Variants in RMND1 observed in about 807,000 individuals in gnomAD.
RMND1 encodes the protein required for meiotic nuclear division 1 homolog.
In RMND1, 41 loss-of-function variants were observed where a neutral mutation model predicts 54.0. The observed-to-expected ratio is 0.76, with a 90% CI of 0.59 to 0.98. RMND1 has a LOEUF of 0.98. Among genes scored for constraint, RMND1 ranks in the 50% least tolerant of loss-of-function variants. The pLI is 0.00. For synonymous variants in RMND1, 183 were observed against 181.7 expected, an observed-to-expected ratio of 1.01 and a Z score of -0.06; for missense variants, 457 against 532.0, an observed-to-expected ratio of 0.86 and a Z score of 1.39.
intron 1 of RMND1, among the ~76,000 whole-genome samples, chr6:151,448,690 T>G (rs540404268): frequency 6.6e-6 from 1 of 152,324 alleles, no homozygotes; most frequent in East Asian, 1.9e-4. Flanking sequence ...TGATTCTGTT[T>G]TGGGCCCCCT....
chr6:151,440,953 T>C (rs79000686), intron 2 of RMND1, among the ~76,000 whole-genome samples: 2,223 of 137,252 alleles, frequency 0.016, 57 homozygotes, highest in African/African-American at 0.058. Context: ...ATATTTTGGG[T>C]TTCAGGATGG....
At chr6:151,450,156 G>A (rs1167730502) in intron 1 of RMND1, among the ~76,000 whole-genome samples, 2 of 120,576 alleles carry the variant, frequency 1.7e-5, no homozygotes, top group Non-Finnish European at 3.5e-5. Flanking sequence ...TCCCATCTAG[G>A]AAGTGAGGAG....
At chr6:151,445,116 A>G in intron 2 of RMND1, 192 bp downstream of exon 2, 1 of 546,402 alleles carries the variant, frequency 1.8e-6, no homozygotes, top group Non-Finnish European at 3.1e-6. Context: ...TTGTTTTTAT[A>G]TGTATCATTA....
chr6:151,413,394 C>T (rs1344723531), intron 10 of RMND1, among the ~76,000 whole-genome samples: 3 of 152,144 alleles, frequency 2.0e-5, no homozygotes, highest in Non-Finnish European at 4.4e-5. Context: ...CTACTTGGGA[C>T]TACAGGTGCA....
rs118175655 is a variant in RMND1, at chr6:151,439,335, A to G, written c.505-2781T>C. 9.4e-4 allele frequency among the ~76,000 whole-genome samples: 143 copies of G among 152,366 alleles called. 2 individuals carry two copies. In the East Asian group the frequency reaches 0.021, roughly 22 times the overall value. ...AGGCTCTCCATTAATTCACCTCTGAAAAAGTGGCATTTAATTTCAGCTACT... is the reference window on the plus strand; with the variant it reads ...AGGCTCTCCATTAATTCACCTCTGAGAAAGTGGCATTTAATTTCAGCTACT... On this transcript the variant is annotated intron_variant, in intron 2 of 11. Coordinates refer to ENST00000444024, the MANE Select transcript of RMND1 (RefSeq NM_017909.4).
intron 6 of RMND1, among the ~76,000 whole-genome samples, chr6:151,424,576 G>A (rs1284840191): frequency 2.0e-5 from 3 of 152,242 alleles, no homozygotes; most frequent in East Asian, 3.9e-4. Flanking sequence ...TTAAAAGTGT[G>A]TTTTGGAAGG....
rs907227485 is a variant in RMND1 at position 151,410,752 on chromosome 6, A to G, written c.1201-4916T>C. Among the ~76,000 whole-genome samples the G allele has an allele frequency of 5.3e-5, 8 of 152,226 alleles. No individual in the cohort carries two copies. The East Asian group carries it at 1.5e-3, about 29-fold the overall frequency. On this transcript the variant is annotated intron_variant, in intron 10 of 11. Coordinates refer to ENST00000444024, the MANE Select transcript of RMND1 (RefSeq NM_017909.4). ...AGTAATTCAAGTTTTGGGTGCTACT[A>G]TAAACAGAAGTTTTAAAATTTCATT...
chr6:151,429,920 AC>A (rs1234512883), intron 5 of RMND1, among the ~76,000 whole-genome samples: 1 of 152,184 alleles, frequency 6.6e-6, no homozygotes, highest in Non-Finnish European at 1.5e-5. Flanking sequence ...CTGATTCTCC[AC>A]AAATTAGTGT....
rs1297009871 is a variant in RMND1 at position 151,405,260 on chromosome 6, A to G, written c.1325T>C (p.Phe442Ser). Residue 442 changes from phenylalanine to serine, a missense_variant, in exon 12 of 12, where the codon TTT becomes TCT. Transcript: ENST00000444024. ...IVILITIEVM[F>S]ELGRVFF ...TCAGAAAAATACTCGTCCCAGCTCA[A>G]ACATTACCTTAGAATAGAAAGTGAG... 7 of 1,612,952 alleles carry G rather than the reference A, an allele frequency of 4.3e-6. No homozygotes were observed. The highest frequency in any genetic ancestry group is 5.9e-6 in the Non-Finnish European group (7 of 1,179,018).
chr6:151,407,890 G>A (rs1277657118), intron 10 of RMND1, among the ~76,000 whole-genome samples: 3 of 151,948 alleles, frequency 2.0e-5, no homozygotes, highest in East Asian at 3.9e-4. Context: ...CAGCCTGGGC[G>A]ACAGAGCGAG....
intron 6 of RMND1, among the ~76,000 whole-genome samples, chr6:151,424,456 CTG>C (rs917041824): frequency 1.4e-5 from 2 of 142,574 alleles, no homozygotes; most frequent in Non-Finnish European, 3.0e-5. Flanking sequence ...GAGCAAGACT[CTG>C]TCTCCAAAAA....
intron 10 of RMND1, 148 bp from the exon 11 acceptor site, chr6:151,405,984 G>A (rs993205554): frequency 1.9e-5 from 9 of 483,112 alleles, no homozygotes; most frequent in African/African-American, 7.8e-5. Flanking sequence ...TTGTGAATCC[G>A]TCCAGAGACA....
At chr6:151,441,074 C>T (rs1422007952) in intron 2 of RMND1, among the ~76,000 whole-genome samples, 1 of 152,146 alleles carries the variant, frequency 6.6e-6, no homozygotes, top group African/African-American at 2.4e-5. Flanking sequence ...GCAAAAACCC[C>T]AAACCACTGT....
At chr6:151,447,526 A>G (rs1487945778) in intron 1 of RMND1, among the ~76,000 whole-genome samples, 2 of 152,166 alleles carry the variant, frequency 1.3e-5, no homozygotes, top group African/African-American at 4.8e-5. Context: ...GGCTTTCCCA[A>G]TTCCAAAGTC....
intron 8 of RMND1, 53 bp downstream of exon 8, chr6:151,422,488 T>A: frequency 1.1e-6 from 1 of 924,456 alleles, no homozygotes; most frequent in Non-Finnish European, 1.6e-6. Context: ...GAAATTCATA[T>A]TTTTTACATA....
At chr6:151,410,155 C>G (rs192784221) in intron 10 of RMND1, among the ~76,000 whole-genome samples, 1 of 151,638 alleles carries the variant, frequency 6.6e-6, no homozygotes, top group South Asian at 2.1e-4. Flanking sequence ...CCCGGGTTCA[C>G]GCCATTCTCC....
chr6:151,418,831 C>T (rs909165034), intron 9 of RMND1, among the ~76,000 whole-genome samples: 4 of 152,028 alleles, frequency 2.6e-5, no homozygotes, highest in African/African-American at 7.3e-5. Context: ...AGTGTATTGG[C>T]GCGATCTTGG....
At chr6:151,410,803 C>A (rs1033608587) in intron 10 of RMND1, among the ~76,000 whole-genome samples, 1 of 152,038 alleles carries the variant, frequency 6.6e-6, no homozygotes, top group Admixed American at 6.6e-5. Context: ...TGCAGTATAA[C>A]GAAAGATAAC....
rs1779564377 is a variant in RMND1, at chr6:151,405,128, C to T, written c.*107G>A. The T allele has an allele frequency of 5.0e-5, 49 of 979,348 alleles. 1 individual carries two copies. The South Asian group carries it at 5.2e-4, about 10-fold the overall frequency. The allele number at this position is 979,348 out of a possible 1,614,324, so 60.7% of individuals were successfully genotyped here. A position where few individuals can be genotyped will look rare whatever the true frequency, so the allele number is the denominator to read the frequency against. On this transcript the variant is annotated 3_prime_UTR_variant, in exon 12 of 12. Coordinates refer to ENST00000444024, the MANE Select transcript of RMND1 (RefSeq NM_017909.4). The stretch of plus-strand genomic sequence containing the variant: ...ATCTCAAGCCACCCTTCTTGGCCTC[C>T]GAAAGTGCTGGGATTACAGGCATGA...
Sources: allele counts gnomAD v4.1 joint callset (sites outside exome capture counted in the v4.1 genomes callset), GRCh38; gene constraint gnomAD v4.1.1; transcripts MANE v1.5; gene names NCBI Gene and HGNC (gene_info 2026-07-23, HGNC 2026-07-21).